The following TECRL variants were observed in gnomAD, a reference collection of about 807,000 sequenced individuals.
The protein encoded by TECRL is trans-2,3-enoyl-CoA reductase like, also known as trans-2,3-enoyl-CoA reductase-like.
A neutral mutation model predicts 52.8 loss-of-function variants in TECRL; 63 were observed. The ratio of observed to expected loss-of-function variants is 1.19; its 90% confidence interval spans 0.97 to 1.47. TECRL has a LOEUF of 1.47. TECRL is among the 40% of genes most tolerant of loss of function. The pLI, the probability that TECRL is intolerant of heterozygous loss-of-function variation, is 0.00. For synonymous variants in TECRL, 164 were observed against 141.9 expected (o/e 1.16, Z -1.10); for missense variants, 482 against 429.6 (o/e 1.12, Z -1.08).
chr4:64,399,802 G>C (rs750526137), intron 1 of TECRL, among the ~76,000 whole-genome samples: 2 of 152,136 alleles, frequency 1.3e-5, no homozygotes, highest in Non-Finnish European at 2.9e-5. Flanking sequence ...GAAAAAGCCT[G>C]GGTGTCCAAG....
intron 8 of TECRL, among the ~76,000 whole-genome samples, chr4:64,295,455 G>A (rs1465866803): frequency 6.6e-6 from 1 of 151,280 alleles, no homozygotes; most frequent in African/African-American, 2.4e-5. Flanking sequence ...TCTCTACTAT[G>A]ATGGTCCATT....
At position 64,366,210 on chromosome 4, in the gene TECRL, C is replaced by G. The variant is rs147964612; in HGVS notation, c.286+8962G>C. On this transcript the variant is annotated intron_variant, in intron 2 of 11. Coordinates refer to ENST00000381210, the MANE Select transcript of TECRL (RefSeq NM_001010874.5). ...CAGAAGATTGAAACTGGGCATCCTT[C>G]TTGCACTATACACAAAATTCAGCTT... is the stretch of plus-strand genomic sequence containing the variant. 2.0e-3 allele frequency among the ~76,000 whole-genome samples: 307 copies of G among 152,232 alleles called. 1 individual carries two copies. The highest frequency in any genetic ancestry group is 7.0e-3 in the African/African-American group (289 of 41,560).
At position 64,409,315 on chromosome 4, in the gene TECRL, T is replaced by G; in HGVS notation, c.37A>C (p.Lys13Gln). The change falls in exon 1 of 12, where the codon AAG becomes CAG. Residue 13 changes from lysine (K) to glutamine (Q), a missense_variant. Transcript: ENST00000381210. ...GCTCTTTGGGAAAGTAATGCTCTCT[T>G]GCGTTCCGAAGCGAGGGACTTGTGC... is the stretch of plus-strand genomic sequence containing the variant. ...KRHKSLASER[K>Q]RALLSQRATR... 1.2e-6 allele frequency: 2 copies of G among 1,613,772 alleles called. No individual in the cohort carries two copies. The highest frequency in any genetic ancestry group is 8.5e-7 in the Non-Finnish European group (1 of 1,179,772).
intron 11 of TECRL, 30 bp from the exon 12 acceptor site, chr4:64,280,229 C>A (rs1366431650): frequency 7.4e-7 from 1 of 1,350,688 alleles, no homozygotes; most frequent in Non-Finnish European, 9.6e-7. Flanking sequence ...ATTATTATTT[C>A]TTTCTTATTT....
At chr4:64,397,052 A>G (rs1237631446) in intron 1 of TECRL, among the ~76,000 whole-genome samples, 1 of 152,212 alleles carries the variant, frequency 6.6e-6, no homozygotes, top group African/African-American at 2.4e-5. Context: ...GAGAGAACCC[A>G]GAAATAAAGC....
intron 8 of TECRL, among the ~76,000 whole-genome samples, chr4:64,290,717 T>A (rs1723333119): frequency 6.6e-6 from 1 of 152,144 alleles, no homozygotes; most frequent in Admixed American, 6.6e-5. Context: ...TTCAACACTT[T>A]CTAAATTTTA....
At chr4:64,314,208 T>C (rs1019688306) in intron 5 of TECRL, among the ~76,000 whole-genome samples, 1 of 151,806 alleles carries the variant, frequency 6.6e-6, no homozygotes, top group Non-Finnish European at 1.5e-5. Context: ...AAGTAACTTG[T>C]AAACTTTTTT....
rs186128563 is a variant in TECRL, at chr4:64,368,658, T to C, written c.286+6514A>G. 1.1e-4 allele frequency among the ~76,000 whole-genome samples: 17 copies of C among 152,176 alleles called. No homozygotes were observed. The East Asian group carries it at 3.1e-3, about 28-fold the overall frequency. ...TCTTAGGTACTTTTTGAGGTAGCAG[T>C]AGAGGAAATTTTATTTTTTTAAAGT... On this transcript the variant is annotated intron_variant, in intron 2 of 11. Transcript: ENST00000381210.
chr4:64,309,935 G>GAA lies in TECRL; in HGVS notation c.552-6_552-5dup, dbSNP rs577970051. 1.2e-5 allele frequency: 18 copies of GAA among 1,526,332 alleles called. No homozygotes were observed. The highest frequency in any genetic ancestry group is 2.4e-5 in the South Asian group (2 of 81,992). The allele number at this position is 1,526,332 out of a possible 1,614,324, so 94.5% of individuals were successfully genotyped here. A position where few individuals can be genotyped will look rare whatever the true frequency, so the allele number is the denominator to read the frequency against. The stretch of plus-strand genomic sequence containing the variant: ...ACAATGACAGAAGCAAGCCAAGCTG[G>GAA]AAAAAAAAATAAAACATAAACATGA... On this transcript the variant is annotated splice_region_variant and splice_polypyrimidine_tract_variant and intron_variant, in intron 5 of 11. Coordinates refer to ENST00000381210, the MANE Select transcript of TECRL (RefSeq NM_001010874.5).
intron 1 of TECRL, among the ~76,000 whole-genome samples, chr4:64,406,666 A>T (rs190278273): frequency 6.6e-6 from 1 of 152,140 alleles, no homozygotes; most frequent in African/African-American, 2.4e-5. Context: ...TTATTAACCC[A>T]TATTCTAAAT....
intron 7 of TECRL, among the ~76,000 whole-genome samples, chr4:64,302,050 T>C (rs1216183994): frequency 1.3e-5 from 2 of 151,314 alleles, no homozygotes; most frequent in Non-Finnish European, 3.0e-5. Flanking sequence ...TAGACATTTA[T>C]ATATTAAGAT....
chr4:64,399,393 A>T (rs1724185254), intron 1 of TECRL, among the ~76,000 whole-genome samples: 1 of 152,236 alleles, frequency 6.6e-6, no homozygotes, highest in South Asian at 2.1e-4. Flanking sequence ...CATAGAAAAA[A>T]AAAGAGTTTT....
At chr4:64,345,235 T>C (rs1719868194) in intron 2 of TECRL, among the ~76,000 whole-genome samples, 1 of 152,114 alleles carries the variant, frequency 6.6e-6, no homozygotes. Flanking sequence ...CATGCTGCTA[T>C]AAAGACACAT....
intron 1 of TECRL, among the ~76,000 whole-genome samples, chr4:64,399,094 G>C (rs151179961): frequency 7.5e-4 from 114 of 152,214 alleles, no homozygotes; most frequent in African/African-American, 2.6e-3. Context: ...TGTAGACATG[G>C]TTTTAGTTTC....
intron 2 of TECRL, among the ~76,000 whole-genome samples, chr4:64,347,827 C>G (rs760223115): frequency 1.3e-5 from 2 of 152,060 alleles, no homozygotes; most frequent in Non-Finnish European, 2.9e-5. Context: ...CAGAGCCAAA[C>G]CATATCATTT....
At chr4:64,400,233 T>C (rs563349135) in intron 1 of TECRL, among the ~76,000 whole-genome samples, 1 of 152,328 alleles carries the variant, frequency 6.6e-6, no homozygotes, top group African/African-American at 2.4e-5. Context: ...GTTTTGGACT[T>C]GCATGGACCC....
At chr4:64,316,127 G>T (rs574356667) in intron 4 of TECRL, among the ~76,000 whole-genome samples, 1 of 152,118 alleles carries the variant, frequency 6.6e-6, no homozygotes, top group East Asian at 1.9e-4. Flanking sequence ...AACACCAATT[G>T]ATCTAGTGAA....
intron 2 of TECRL, among the ~76,000 whole-genome samples, chr4:64,365,543 C>G (rs1276140380): frequency 6.6e-6 from 1 of 152,012 alleles, no homozygotes; most frequent in African/African-American, 2.4e-5. Context: ...TTTTACAATA[C>G]AAAACCAATG....
chr4:64,292,240 T>C (rs746951077), intron 8 of TECRL, among the ~76,000 whole-genome samples: 15 of 152,168 alleles, frequency 9.9e-5, no homozygotes, highest in African/African-American at 1.9e-4. Context: ...TGGATTGATG[T>C]TTATCTAAAT....
Sources: allele counts gnomAD v4.1 joint callset (sites outside exome capture counted in the v4.1 genomes callset), GRCh38; gene constraint gnomAD v4.1.1; transcripts MANE v1.5; gene names NCBI Gene and HGNC (gene_info 2026-07-23, HGNC 2026-07-21).